The following UBN2 variants were observed in gnomAD, a reference collection of about 807,000 sequenced individuals.
UBN2 encodes the protein ubinuclein-2.
UBN2 carries 35 observed loss-of-function variants against 120.2 expected under a neutral mutation model. The ratio of observed to expected loss-of-function variants is 0.29; its 90% CI spans 0.22 to 0.39. The LOEUF (loss-of-function observed/expected upper bound fraction) is 0.39. Among genes scored for constraint, UBN2 ranks in the 10% least tolerant of loss-of-function variants. The pLI is 1.00. For synonymous variants in UBN2, 661 were observed against 648.7 expected (o/e 1.02, Z -0.29); for missense variants, 1,693 against 1,663.2 (o/e 1.02, Z -0.31).
intron 6 of UBN2, 121 bp from the exon 7 acceptor site, chr7:139,266,212 G>A: frequency 3.7e-6 from 2 of 537,788 alleles, no homozygotes; most frequent in African/African-American, 2.2e-5. Flanking sequence ...GGGCAACATA[G>A]AGAGGCCCTA....
Position 139,261,655 on chromosome 7 carries a change from A to G in UBN2, c.1309A>G (p.Thr437Ala), listed in dbSNP as rs781070527. 2.5e-6 allele frequency: 4 copies of G among 1,614,062 alleles called. No individual in the cohort carries two copies. The African/African-American group carries it at 5.3e-5, about 22-fold the overall frequency. The change falls in exon 6 of 18, where the codon ACT becomes GCT. Residue 437 changes from threonine to alanine, a missense_variant. Transcript: ENST00000473989. Reference sequence around the variant, plus strand: ...TGGAACCACCACCCAGCCAACCTACACTTCTCAGGTTATGCCCAAAGTGGT... The same window carrying G: ...TGGAACCACCACCCAGCCAACCTACGCTTCTCAGGTTATGCCCAAAGTGGT... ...ENGTTTQPTY[T>A]SQVMPKVVPT...
At chr7:139,314,486 CTTATTTAT>C in the UBN2 span, among the ~76,000 whole-genome samples, 92 of 151,708 alleles carry the variant, frequency 6.1e-4, 1 homozygote, top group Middle Eastern at 3.4e-3. Context: ...TGTAGGATTA[CTTATTTAT>C]TTATTTTTTT....
chr7:139,245,097 CTTTTTTTTT>C (rs537219130), intron 2 of UBN2, among the ~76,000 whole-genome samples: 1 of 100,334 alleles, frequency 1.0e-5, no homozygotes, highest in African/African-American at 4.6e-5. Flanking sequence ...CCATGCCCAG[CTTTTTTTTT>C]TTTTTTTTTT....
chr7:139,327,140 T>C, the UBN2 span, among the ~76,000 whole-genome samples: 1 of 152,228 alleles, frequency 6.6e-6, no homozygotes, highest in African/African-American at 2.4e-5. Context: ...TTCAAGCGAT[T>C]ATCCTGCCTC....
intron 5 of UBN2, among the ~76,000 whole-genome samples, chr7:139,260,527 C>CT (rs1332827919): frequency 2.0e-5 from 3 of 152,072 alleles, no homozygotes; most frequent in Admixed American, 6.6e-5. Context: ...TTCTCTGTGG[C>CT]TTTTTTCACA....
the UBN2 span, among the ~76,000 whole-genome samples, chr7:139,322,031 T>G: frequency 6.6e-6 from 1 of 152,104 alleles, no homozygotes; most frequent in East Asian, 1.9e-4. Context: ...TGGAGTGCAG[T>G]GGCACAATCT....
the UBN2 span, among the ~76,000 whole-genome samples, chr7:139,319,323 T>C: frequency 1.3e-5 from 2 of 152,142 alleles, no homozygotes; most frequent in Non-Finnish European, 1.5e-5. Flanking sequence ...CCTCCAGCAA[T>C]CTACCATCCT....
intron 12 of UBN2, chr7:139,277,828 C>T (rs777561738): frequency 2.0e-5 from 3 of 152,162 alleles, no homozygotes; most frequent in African/African-American, 7.2e-5. Context: ...GCAGACAGTA[C>T]TGAACCCTAC....
chr7:139,325,559 A>G, the UBN2 span, among the ~76,000 whole-genome samples: 1 of 152,122 alleles, frequency 6.6e-6, no homozygotes, highest in African/African-American at 2.4e-5. Flanking sequence ...ATGAGCCACC[A>G]TGCCCGGCCG....
At chr7:139,296,173 A>G (rs1002907926) in intron 17 of UBN2, among the ~76,000 whole-genome samples, 3 of 152,220 alleles carry the variant, frequency 2.0e-5, no homozygotes, top group African/African-American at 2.4e-5. Flanking sequence ...GAGCTCAGTT[A>G]ATGTTGATTA....
rs1331336196 is a variant in UBN2 at position 139,246,412 on chromosome 7, GT to G, written c.562-5541del. Among the ~76,000 whole-genome samples the G allele has an allele frequency of 3.9e-5, 6 of 152,116 alleles. No individual in the cohort carries two copies. The South Asian group carries it at 1.2e-3, about 31-fold the overall frequency. ...AGAGGCTAATTAAGACATTCATTAT[GT>G]TTAGGTGAAAAACAAAGGCCAGCAT... is the stretch of plus-strand genomic sequence containing the variant. On this transcript the variant is annotated intron_variant, in intron 2 of 17. Transcript: ENST00000473989.
intron 5 of UBN2, 60 bp downstream of exon 5, chr7:139,259,430 A>G: frequency 6.3e-7 from 1 of 1,590,870 alleles, no homozygotes. Context: ...CTCTCCCTTT[A>G]GAAAGATATA....
intron 17 of UBN2, among the ~76,000 whole-genome samples, chr7:139,295,440 C>T (rs1798081860): frequency 6.6e-6 from 1 of 152,104 alleles, no homozygotes; most frequent in Admixed American, 6.5e-5. Flanking sequence ...GTAGTGTACT[C>T]ATGGGCAGAT....
intron 3 of UBN2, among the ~76,000 whole-genome samples, chr7:139,254,326 C>T (rs757981012): frequency 5.3e-5 from 8 of 152,088 alleles, no homozygotes; most frequent in Non-Finnish European, 1.0e-4. Context: ...GCTGTCCCGA[C>T]ATAAACTTAT....
chr7:139,276,018 A>G (rs1029578916), intron 11 of UBN2, 79 bp from the exon 12 acceptor site: 9 of 1,168,856 alleles, frequency 7.7e-6, no homozygotes, highest in Non-Finnish European at 1.1e-5. Flanking sequence ...CTGAAAATTA[A>G]ATTACTTTAA....
rs773339779 is a variant in UBN2 at position 139,284,081 on chromosome 7, C to T, written c.3176C>T (p.Ala1059Val). The T allele has an allele frequency of 1.2e-6, 2 of 1,614,182 alleles. No homozygotes were observed. Among genetic ancestry groups the T allele is most frequent in the Non-Finnish European group, 1.7e-6 (2 of 1,180,038 alleles). ...PKPLPSPKPS[A>V]SPKPSLSAKP... ...CCCCTGCCCTCGCCTAAGCCTTCTGCCTCACCCAAGCCCTCTCTGTCAGCT... is the reference window on the plus strand; with the variant it reads ...CCCCTGCCCTCGCCTAAGCCTTCTGTCTCACCCAAGCCCTCTCTGTCAGCT... Residue 1059 changes from alanine (A) to valine (V), a missense_variant, in exon 15 of 18, where the codon GCC (alanine) becomes GTC (valine). This residue lies in a region of UBN2 where 837 missense variants were observed against 817.6 expected (regional missense o/e 1.02). Transcript: ENST00000473989.
At chr7:139,245,486 G>A (rs553078019) in intron 2 of UBN2, among the ~76,000 whole-genome samples, 39 of 152,100 alleles carry the variant, frequency 2.6e-4, no homozygotes, top group Middle Eastern at 6.8e-3. Context: ...TTAGATTATG[G>A]ACTCAGAACT....
intron 6 of UBN2, 41 bp from the exon 7 acceptor site, chr7:139,266,292 T>C: frequency 8.0e-7 from 1 of 1,249,072 alleles, no homozygotes; most frequent in Non-Finnish European, 1.1e-6. Context: ...AATAGAGTAA[T>C]GGCCTATTTT....
intron 13 of UBN2, among the ~76,000 whole-genome samples, chr7:139,279,662 A>G (rs1246498642): frequency 6.6e-6 from 1 of 152,244 alleles, no homozygotes; most frequent in Non-Finnish European, 1.5e-5. Context: ...AGAAAAATTC[A>G]TAAGACCAGA....
Sources: gnomAD v4.1 joint callset for allele counts (sites outside exome capture counted in the v4.1 genomes callset) on GRCh38, gnomAD v4.1.1 for gene constraint, gnomAD v4.1.1 regional missense constraint, MANE v1.5 for transcripts, NCBI Gene and HGNC (gene_info 2026-07-23, HGNC 2026-07-21) for gene names.